Variants in CYP4F8 observed in about 807,000 individuals in gnomAD.
The protein encoded by CYP4F8 is cytochrome P450 family 4 subfamily F member 8.
In CYP4F8, 56 loss-of-function variants were observed where a neutral mutation model predicts 55.0. That is an observed-to-expected ratio of 1.02 (90% CI 0.82 to 1.27). The LOEUF is 1.27. CYP4F8 is among the 50% of genes most tolerant of loss of function. CYP4F8 has a pLI of 0.00. For synonymous variants in CYP4F8, 288 were observed against 267.3 expected (o/e 1.08, Z -0.76); for missense variants, 680 against 682.4 (o/e 1.00, Z 0.04).
Position 15,630,583 on chromosome 19 carries a change from T to A in CYP4F8, c.*1225T>A, listed in dbSNP as rs4318325. ...CTCCACCATTGATGGGCACCTGTGT[T>A]GATTCAGCATCTTCGCTATTGTGAT... On this transcript the variant is annotated 3_prime_UTR_variant, in exon 13 of 13. Coordinates refer to ENST00000612078, the MANE Select transcript of CYP4F8 (RefSeq NM_007253.4). The A allele has an allele frequency of 0.73, 110,963 of 151,576 alleles. 40,753 individuals are homozygous for A. Among genetic ancestry groups the A allele is most frequent in the Admixed American group, 0.76 (11,534 of 15,230 alleles). 9.4% of individuals were successfully genotyped at this position (151,576 alleles called of 1,614,324 possible). A position where few individuals can be genotyped will look rare whatever the true frequency, so the allele number is the denominator to read the frequency against.
At chr19:15,621,995 A>C in intron 5 of CYP4F8, 1 of 501,130 alleles carries the variant, frequency 2.0e-6, no homozygotes, top group East Asian at 4.0e-5. Flanking sequence ...AAGGGTACAC[A>C]CAGCTTAGGA....
chr19:15,626,605 A>ATATCTATCTGTC (rs1555738308), intron 9 of CYP4F8, among the ~76,000 whole-genome samples: 1 of 146,836 alleles, frequency 6.8e-6, no homozygotes, highest in African/African-American at 2.5e-5. Context: ...ATTGTTCTGG[A>ATATCTATCTGTC]TATCTATCTA....
chr19:15,628,851 CA>C lies in CYP4F8; in HGVS notation c.1397+9del, dbSNP rs1568385784. ...TTTCTCGGCGGGGCCCAGGTGAGGC[CA>C]GGGGGTGTCTGAGGTGGGCATGGGC... On this transcript the variant is annotated intron_variant, in intron 12 of 12. Coordinates refer to ENST00000612078, the MANE Select transcript of CYP4F8 (RefSeq NM_007253.4). 1 of 1,584,176 alleles carries C rather than the reference CA, an allele frequency of 6.3e-7. No homozygotes were observed. Among genetic ancestry groups the C allele is most frequent in the Non-Finnish European group, 8.6e-7 (1 of 1,166,752 alleles).
chr19:15,616,749 A>G (rs1972127850), intron 2 of CYP4F8, among the ~76,000 whole-genome samples: 1 of 152,180 alleles, frequency 6.6e-6, no homozygotes, highest in South Asian at 2.1e-4. Context: ...CTGGATAAAA[A>G]TTGGCCAGTG....
chr19:15,622,086 C>T, intron 5 of CYP4F8, 133 bp from the exon 6 acceptor site: 4 of 1,230,784 alleles, frequency 3.2e-6, no homozygotes, highest in Non-Finnish European at 4.4e-6. Context: ...AAGCGTAGTC[C>T]TCCCTGAGGA....
At chr19:15,622,462 G>A (rs1027665159) in intron 6 of CYP4F8, 122 bp downstream of exon 6, 28 of 1,339,394 alleles carry the variant, frequency 2.1e-5, no homozygotes, top group Middle Eastern at 5.3e-4. Context: ...GGCATTGAAG[G>A]ACAAAGAAGG....
chr19:15,625,237 C>T (rs1227909704), intron 9 of CYP4F8, among the ~76,000 whole-genome samples: 1 of 150,608 alleles, frequency 6.6e-6, no homozygotes, highest in Non-Finnish European at 1.5e-5. Context: ...ATTTTTTCTC[C>T]AAATGTCTAA....
At position 15,630,607 on chromosome 19, in the gene CYP4F8, AT is replaced by A. The variant is rs1972322289; in HGVS notation, c.*1251del. On this transcript the variant is annotated 3_prime_UTR_variant, in exon 13 of 13. Coordinates refer to ENST00000612078, the MANE Select transcript of CYP4F8 (RefSeq NM_007253.4). ...TTGATTCAGCATCTTCGCTATTGTG[AT>A]TAGAGCTGCGATAAACATGTGGATG... The A allele has an allele frequency of 6.6e-6, 1 of 151,524 alleles. No homozygotes were observed. Among genetic ancestry groups the A allele is most frequent in the Non-Finnish European group, 1.5e-5 (1 of 67,866 alleles). 9.4% of individuals were successfully genotyped at this position (151,524 alleles called of 1,614,324 possible). A position where few individuals can be genotyped will look rare whatever the true frequency, so the allele number is the denominator to read the frequency against.
At chr19:15,623,918 G>A in intron 8 of CYP4F8, 47 bp from the exon 9 acceptor site, 1 of 1,607,230 alleles carries the variant, frequency 6.2e-7, no homozygotes, top group Middle Eastern at 1.7e-4. Flanking sequence ...CCACCCTCTG[G>A]GTGCTGAAGC....
Position 15,623,834 on chromosome 19 carries a change from C to G in CYP4F8, c.985+69C>G. On this transcript the variant is annotated intron_variant, in intron 8 of 12. Transcript: ENST00000612078. ...CCACTCCAGGGAAGTGGAGGGCCGG[C>G]CCTGAATCACTTCATTCTGCCCAAC... is the stretch of plus-strand genomic sequence containing the variant. The G allele has an allele frequency of 1.9e-6, 3 of 1,602,446 alleles. No homozygotes were observed. In the South Asian group the frequency reaches 3.3e-5, roughly 18 times the overall value.
chr19:15,623,383 T>C lies in CYP4F8; in HGVS notation c.918+8T>C. 4 of 1,611,866 alleles carry C rather than the reference T, an allele frequency of 2.5e-6. No individual in the cohort carries two copies. The highest frequency in any genetic ancestry group is 3.4e-6 in the Non-Finnish European group (4 of 1,178,296). ...GTGCTCCTGCTGAGCGAGGTGGGCC[T>C]CTCTGGGATCTGAATTCAAGAGGTA... On this transcript the variant is annotated splice_region_variant and intron_variant, in intron 7 of 12. Transcript: ENST00000612078.
chr19:15,629,586 G>T lies in CYP4F8; in HGVS notation c.*228G>T, dbSNP rs778069039. ...CTCTCTGGGTGAGCACAGGAGCCCC[G>T]TGCTGAGGGTGGGATCTCCCAGAGT... On this transcript the variant is annotated 3_prime_UTR_variant, in exon 13 of 13. Coordinates refer to ENST00000612078, the MANE Select transcript of CYP4F8 (RefSeq NM_007253.4). 2 of 516,788 alleles carry T rather than the reference G, an allele frequency of 3.9e-6. No homozygotes were observed. Among genetic ancestry groups the T allele is most frequent in the Non-Finnish European group, 6.5e-6 (2 of 308,424 alleles). 32.0% of individuals were successfully genotyped at this position (516,788 alleles called of 1,614,324 possible). A position where few individuals can be genotyped will look rare whatever the true frequency, so the allele number is the denominator to read the frequency against.
chr19:15,618,768 G>A (rs1181961418), intron 3 of CYP4F8: 1 of 210,374 alleles, frequency 4.8e-6, no homozygotes, highest in Admixed American at 5.3e-5. Context: ...ACCTCTTGTG[G>A]GTCGATTCCT....
At chr19:15,619,825 G>A in intron 5 of CYP4F8, 63 bp downstream of exon 5, 2 of 1,578,182 alleles carry the variant, frequency 1.3e-6, no homozygotes, top group Non-Finnish European at 1.7e-6. Context: ...CATACAATTG[G>A]GTCTGGAATG....
At chr19:15,626,183 G>A (rs1972259565) in intron 9 of CYP4F8, among the ~76,000 whole-genome samples, 1 of 152,154 alleles carries the variant, frequency 6.6e-6, no homozygotes, top group Admixed American at 6.5e-5. Context: ...GACCATCTTT[G>A]TGCATATCTC....
chr19:15,616,073 TTCC>T (rs1972115009), intron 2 of CYP4F8, among the ~76,000 whole-genome samples: 2 of 131,636 alleles, frequency 1.5e-5, no homozygotes, highest in Non-Finnish European at 3.3e-5. Context: ...CACTCACTCA[TTCC>T]TCTCCTCATT....
chr19:15,622,864 T>G, intron 6 of CYP4F8: 1 of 557,126 alleles, frequency 1.8e-6, no homozygotes, highest in Non-Finnish European at 3.2e-6. Flanking sequence ...AGAAACTGAG[T>G]AATAATAGGC....
intron 2 of CYP4F8, among the ~76,000 whole-genome samples, chr19:15,617,487 T>C (rs1191577874): frequency 4.7e-5 from 2 of 42,754 alleles, no homozygotes; most frequent in Non-Finnish European, 1.1e-4. Flanking sequence ...TATCTACATC[T>C]ATCTATCTAT....
At position 15,615,673 on chromosome 19, in the gene CYP4F8, G is replaced by A; in HGVS notation, c.57G>A (p.Trp19Ter). Residue 19 changes from tryptophan to a stop codon, truncating the protein, a stop_gained, in exon 2 of 13, where the codon TGG becomes TGA. Coordinates refer to ENST00000612078, the MANE Select transcript of CYP4F8 (RefSeq NM_007253.4). LOFTEE classifies it high-confidence loss of function. ...LGLRPVAASP[W>*]LLLLVVGASW... The stretch of plus-strand genomic sequence containing the variant: ...TCAGGCCGGTGGCAGCATCCCCGTG[G>A]CTGCTCCTGCTGGTGGTCGGGGCCT... 6.2e-7 allele frequency: 1 copy of A among 1,613,950 alleles called. No individual in the cohort carries two copies. Among genetic ancestry groups the A allele is most frequent in the Non-Finnish European group, 8.5e-7 (1 of 1,179,948 alleles).
Sources: gnomAD v4.1 joint callset for allele counts (sites outside exome capture counted in the v4.1 genomes callset) on GRCh38, gnomAD v4.1.1 for gene constraint, MANE v1.5 for transcripts, NCBI Gene and HGNC (gene_info 2026-07-23, HGNC 2026-07-21) for gene names.